The following ZNF804B variants were observed in gnomAD, a reference collection of about 807,000 sequenced individuals.
ZNF804B encodes zinc finger protein 804B, also known as zinc finger 804B.
ZNF804B carries 80 observed loss-of-function variants against 101.4 expected under a neutral mutation model. That is an observed-to-expected ratio of 0.79 (90% CI 0.66 to 0.95). ZNF804B has a LOEUF of 0.95. Ranked by LOEUF, ZNF804B falls within the 40% of genes least tolerant of loss-of-function variation. ZNF804B has a pLI of 0.00. For synonymous variants in ZNF804B, 622 were observed against 558.8 expected (o/e 1.11, Z -1.59); for missense variants, 1,673 against 1,561.9 (o/e 1.07, Z -1.20).
intron 1 of ZNF804B, among the ~76,000 whole-genome samples, chr7:88,820,597 G>A (rs1238893059): frequency 6.6e-6 from 1 of 152,148 alleles, no homozygotes; most frequent in Non-Finnish European, 1.5e-5. Context: ...GTAATGTTCT[G>A]GAGCATGGTG....
At chr7:88,795,779 A>C (rs1203082335) in intron 1 of ZNF804B, 1 of 152,146 alleles carries the variant, frequency 6.6e-6, no homozygotes, top group African/African-American at 2.4e-5. Flanking sequence ...TACGTGAGTC[A>C]GAATGTCAGC....
At chr7:88,790,420 C>T (rs1246284992) in intron 1 of ZNF804B, among the ~76,000 whole-genome samples, 2 of 151,946 alleles carry the variant, frequency 1.3e-5, no homozygotes, top group East Asian at 1.9e-4. Flanking sequence ...TGATGCTCTC[C>T]CTCCCCTTGC....
At chr7:88,891,157 G>A (rs1204166486) in intron 1 of ZNF804B, among the ~76,000 whole-genome samples, 6 of 151,996 alleles carry the variant, frequency 3.9e-5, no homozygotes, top group African/African-American at 1.2e-4. Flanking sequence ...ACATAATTGA[G>A]TTTTCCATGT....
intron 1 of ZNF804B, among the ~76,000 whole-genome samples, chr7:89,042,377 A>G (rs1329417194): frequency 2.0e-5 from 3 of 152,176 alleles, no homozygotes; most frequent in African/African-American, 4.8e-5. Context: ...AGGGTTTTTC[A>G]TAGAGAATAT....
intron 1 of ZNF804B, among the ~76,000 whole-genome samples, chr7:89,215,394 A>G (rs1457764034): frequency 6.6e-6 from 1 of 152,178 alleles, no homozygotes; most frequent in Admixed American, 6.5e-5. Flanking sequence ...TGACCATTGA[A>G]CTACTGTCAT....
At chr7:89,326,987 A>G (rs1488749799) in intron 2 of ZNF804B, among the ~76,000 whole-genome samples, 1 of 152,044 alleles carries the variant, frequency 6.6e-6, no homozygotes, top group Non-Finnish European at 1.5e-5. Flanking sequence ...GTGGAAGAAC[A>G]TGCATCTCAT....
chr7:89,178,923 T>C (rs1273235726), intron 1 of ZNF804B, among the ~76,000 whole-genome samples: 2 of 152,216 alleles, frequency 1.3e-5, no homozygotes, highest in Non-Finnish European at 2.9e-5. Flanking sequence ...GTTTGAAGGA[T>C]ATTTTTCTGG....
intron 1 of ZNF804B, among the ~76,000 whole-genome samples, chr7:88,776,517 A>C (rs6465159): frequency 0.43 from 64,567 of 149,132 alleles, 17,036 homozygotes; most frequent in African/African-American, 0.74. Context: ...AATTCAAGAT[A>C]ATGATACATT....
At chr7:88,892,064 C>A (rs1409436289) in intron 1 of ZNF804B, among the ~76,000 whole-genome samples, 1 of 152,038 alleles carries the variant, frequency 6.6e-6, no homozygotes, top group Admixed American at 6.6e-5. Context: ...ACCAAAGATC[C>A]TTAGCATGTG....
At chr7:88,937,359 A>C (rs148798141) in intron 1 of ZNF804B, among the ~76,000 whole-genome samples, 6 of 152,216 alleles carry the variant, frequency 3.9e-5, no homozygotes, top group Non-Finnish European at 8.8e-5. Flanking sequence ...TTAGGCCTCT[A>C]CATCAAATAA....
intron 1 of ZNF804B, among the ~76,000 whole-genome samples, chr7:89,144,053 A>C: frequency 6.6e-6 from 1 of 152,110 alleles, no homozygotes; most frequent in East Asian, 1.9e-4. Flanking sequence ...TGAATGAAAA[A>C]AAGTAGATAT....
At chr7:88,909,520 G>T (rs1187071035) in intron 1 of ZNF804B, among the ~76,000 whole-genome samples, 1 of 151,766 alleles carries the variant, frequency 6.6e-6, no homozygotes, top group Admixed American at 6.6e-5. Context: ...TTACAGAGCA[G>T]ACTTCATTTT....
intron 1 of ZNF804B, among the ~76,000 whole-genome samples, chr7:88,827,272 T>A (rs1249525781): frequency 6.6e-6 from 1 of 151,724 alleles, no homozygotes; most frequent in Non-Finnish European, 1.5e-5. Flanking sequence ...ACTTTAAAAA[T>A]TTTTGATACA....
chr7:89,088,840 C>T (rs1789843142), intron 1 of ZNF804B, among the ~76,000 whole-genome samples: 1 of 151,702 alleles, frequency 6.6e-6, no homozygotes, highest in South Asian at 2.1e-4. Flanking sequence ...CTTCCTTCTT[C>T]TTCCCCTAGC....
chr7:89,163,292 T>C (rs1344200436), intron 1 of ZNF804B, among the ~76,000 whole-genome samples: 1 of 152,186 alleles, frequency 6.6e-6, no homozygotes, highest in Admixed American at 6.6e-5. Context: ...AAGAGCTTCA[T>C]GTAAAAGCTT....
intron 1 of ZNF804B, among the ~76,000 whole-genome samples, chr7:88,797,873 A>G (rs1387002219): frequency 6.6e-6 from 1 of 152,132 alleles, no homozygotes; most frequent in Non-Finnish European, 1.5e-5. Flanking sequence ...ACAGCAAATG[A>G]GAGTGATGTA....
chr7:89,255,187 C>A (rs1026565350), intron 2 of ZNF804B, among the ~76,000 whole-genome samples: 3 of 152,024 alleles, frequency 2.0e-5, no homozygotes, highest in Non-Finnish European at 4.4e-5. Flanking sequence ...TGAGTGCAAG[C>A]AGGGGAAATG....
At chr7:88,901,179 T>C (rs916031848) in intron 1 of ZNF804B, among the ~76,000 whole-genome samples, 2 of 151,848 alleles carry the variant, frequency 1.3e-5, no homozygotes, top group Non-Finnish European at 3.0e-5. Context: ...AATTATAACT[T>C]AACAGTTTTC....
chr7:89,028,933 C>T lies in ZNF804B; in HGVS notation c.109-189222C>T, dbSNP rs950826423. 7.1e-4 allele frequency among the ~76,000 whole-genome samples: 108 copies of T among 151,944 alleles called. 3 individuals are homozygous for T. The highest frequency in any genetic ancestry group is 7.1e-3 in the Admixed American group (108 of 15,238). On this transcript the variant is annotated intron_variant, in intron 1 of 3. Transcript: ENST00000333190. ...TTATTATTATATTTAATTCTATGTCCATCACTTATTTACAGGAATTGATCT... is the reference window on the plus strand; with the variant it reads ...TTATTATTATATTTAATTCTATGTCTATCACTTATTTACAGGAATTGATCT...
Sources: allele counts gnomAD v4.1 joint callset (sites outside exome capture counted in the v4.1 genomes callset), GRCh38; gene constraint gnomAD v4.1.1; transcripts MANE v1.5; gene names NCBI Gene and HGNC (gene_info 2026-07-23, HGNC 2026-07-21).